LTA4H: variants seen among roughly 807,000 people sequenced by gnomAD.
LTA4H encodes the protein leukotriene A-4 hydrolase.
Under a neutral mutation model 89.8 loss-of-function variants are expected in LTA4H, and 59 were observed. That is an observed-to-expected ratio of 0.66 (90% CI 0.53 to 0.82). The LOEUF (loss-of-function observed/expected upper bound fraction) is 0.82. Among genes scored for constraint, LTA4H ranks in the 40% least tolerant of loss-of-function variants. The probability of loss-of-function intolerance (pLI) is 0.00; values close to 1 mark genes in which losing one functional copy is unlikely to be tolerated. For missense variants in LTA4H, 617 were observed against 727.0 expected, an observed-to-expected ratio of 0.85 and a Z score of 1.74; for synonymous variants, 227 against 253.1, an observed-to-expected ratio of 0.90 and a Z score of 0.98.
At chr12:96,029,783 C>T (rs1950553593) in intron 1 of LTA4H, among the ~76,000 whole-genome samples, 2 of 152,138 alleles carry the variant, frequency 1.3e-5, no homozygotes, top group Non-Finnish European at 1.5e-5. Context: ...AGAGTATTTT[C>T]TATCCCCAAA....
At chr12:96,019,314 G>T in intron 6 of LTA4H, 74 bp from the exon 7 acceptor site, 4 of 1,287,572 alleles carry the variant, frequency 3.1e-6, no homozygotes, top group Non-Finnish European at 4.4e-6. Flanking sequence ...AGTAGTTAAT[G>T]TCTTGTAGAC....
At chr12:96,003,646 A>C (rs1466450775) in intron 17 of LTA4H, 192 bp downstream of exon 17, 2 of 366,044 alleles carry the variant, frequency 5.5e-6, no homozygotes, top group Non-Finnish European at 9.7e-6. Context: ...TCTAACAAAA[A>C]GATTAATACT....
At chr12:96,014,712 G>A in intron 12 of LTA4H, 143 bp downstream of exon 12, 2 of 766,004 alleles carry the variant, frequency 2.6e-6, no homozygotes, top group East Asian at 5.5e-5. Context: ...AGGTAACTCA[G>A]AAAACAATAC....
upstream of LTA4H, among the ~76,000 whole-genome samples, chr12:96,038,781 A>G (rs559429729): frequency 6.8e-6 from 1 of 147,994 alleles, no homozygotes; most frequent in East Asian, 2.0e-4. Flanking sequence ...TTATTTATCT[A>G]GTATGGAGAA....
At chr12:96,039,621 C>T (rs184201266), upstream of LTA4H, among the ~76,000 whole-genome samples, 752 of 152,248 alleles carry the variant, frequency 4.9e-3, 4 homozygotes, top group Non-Finnish European at 8.0e-3. Context: ...TTAGGACAAC[C>T]TGGGAAGTGA....
chr12:96,039,144 G>A (rs117870863), upstream of LTA4H, among the ~76,000 whole-genome samples: 389 of 152,172 alleles, frequency 2.6e-3, 2 homozygotes, highest in Middle Eastern at 0.014. Flanking sequence ...CAGCACTTTG[G>A]GAAGCTGAGG....
upstream of LTA4H, among the ~76,000 whole-genome samples, chr12:96,036,247 A>G (rs1592903864): frequency 6.6e-6 from 1 of 152,160 alleles, no homozygotes; most frequent in African/African-American, 2.4e-5. Context: ...GAATTTCTAT[A>G]AAAGTTATGC....
In LTA4H at chr12:96,029,205, A is replaced by G. The variant is rs754803975; in HGVS notation, c.160-20T>C. 1 of 1,378,454 alleles carries G rather than the reference A, an allele frequency of 7.3e-7. No homozygotes were observed. Among genetic ancestry groups the G allele is most frequent in the Non-Finnish European group, 1.0e-6 (1 of 1,004,504 alleles). The allele number at this position is 1,378,454 out of a possible 1,614,324, so 85.4% of individuals were successfully genotyped here. A position where few individuals can be genotyped will look rare whatever the true frequency, so the allele number is the denominator to read the frequency against. On this transcript the variant is annotated intron_variant, in intron 1 of 18. Coordinates refer to ENST00000228740, the MANE Select transcript of LTA4H (RefSeq NM_000895.3). ...CAAAACCTAAAATTAATATTTTTAA[A>G]TAGTAAGAAAATAGTTTCATTTACC...
chr12:96,000,834 A>T lies in LTA4H; in HGVS notation c.*155T>A, dbSNP rs1950087520. 1.8e-6 allele frequency: 1 copy of T among 554,154 alleles called. No individual in the cohort carries two copies. Among genetic ancestry groups the T allele is most frequent in the Admixed American group, 3.1e-5 (1 of 32,396 alleles). The allele number at this position is 554,154 out of a possible 1,614,324, so 34.3% of individuals were successfully genotyped here. On this transcript the variant is annotated 3_prime_UTR_variant, in exon 19 of 19. Transcript: ENST00000228740. ...TTTACAAAGAATATGCCACTATAAG[A>T]AGAAGTAGCTCAACTTTATTTCAGT...
At chr12:96,003,643 A>G (rs1950145601) in intron 17 of LTA4H, 195 bp downstream of exon 17, 1 of 366,246 alleles carries the variant, frequency 2.7e-6, no homozygotes, top group African/African-American at 2.1e-5. Flanking sequence ...AAGTCTAACA[A>G]AAAGATTAAT....
intron 1 of LTA4H, among the ~76,000 whole-genome samples, chr12:96,030,566 C>T (rs375744201): frequency 6.6e-6 from 1 of 152,316 alleles, no homozygotes; most frequent in South Asian, 2.1e-4. Flanking sequence ...AAGGTTTGAT[C>T]CCATTTCCCA....
chr12:96,021,545 T>C (rs908948684), intron 5 of LTA4H, among the ~76,000 whole-genome samples: 1 of 152,134 alleles, frequency 6.6e-6, no homozygotes, highest in Non-Finnish European at 1.5e-5. Flanking sequence ...CAAAGCACTA[T>C]TGGCATGTTG....
chr12:96,037,992 G>T (rs775316316), upstream of LTA4H, among the ~76,000 whole-genome samples: 1 of 152,088 alleles, frequency 6.6e-6, no homozygotes, highest in African/African-American at 2.4e-5. Flanking sequence ...GCCCGGCCGA[G>T]AAAGAATTTT....
At chr12:96,029,479 T>C (rs1403964683) in intron 1 of LTA4H, among the ~76,000 whole-genome samples, 1 of 152,230 alleles carries the variant, frequency 6.6e-6, no homozygotes, top group East Asian at 1.9e-4. Context: ...TGCTTCTGAC[T>C]CCTAAAATTT....
chr12:96,017,377 GAA>G (rs1435168162), intron 9 of LTA4H, among the ~76,000 whole-genome samples, 178 bp downstream of exon 9: 1 of 152,070 alleles, frequency 6.6e-6, no homozygotes, highest in Non-Finnish European at 1.5e-5. Flanking sequence ...ATAAATATAT[GAA>G]GAGATCAAAC....
intron 6 of LTA4H, among the ~76,000 whole-genome samples, chr12:96,019,899 G>GTTTT (rs748833448): frequency 8.3e-6 from 1 of 120,920 alleles, no homozygotes; most frequent in Non-Finnish European, 1.8e-5. Flanking sequence ...CACGCCCAGC[G>GTTTT]TTTTTTTTTT....
intron 14 of LTA4H, chr12:96,009,369 T>C (rs1424832697): frequency 1.9e-6 from 1 of 523,170 alleles, no homozygotes; most frequent in Non-Finnish European, 3.4e-6. Flanking sequence ...AACACCCATC[T>C]ATCTTTTAGA....
intron 16 of LTA4H, among the ~76,000 whole-genome samples, chr12:96,004,646 A>G (rs757039196): frequency 4.6e-4 from 70 of 152,268 alleles, no homozygotes; most frequent in Non-Finnish European, 6.6e-4. Context: ...TAGGTAGATG[A>G]TAACTCTCCC....
At chr12:96,019,027 A>G (rs182597693) in intron 7 of LTA4H, 124 bp from the exon 8 acceptor site, 19 of 1,191,418 alleles carry the variant, frequency 1.6e-5, no homozygotes, top group Middle Eastern at 2.0e-4. Flanking sequence ...GAAAATGATA[A>G]AAAGAATGTA....
Sources: allele counts gnomAD v4.1 joint callset (sites outside exome capture counted in the v4.1 genomes callset), GRCh38; gene constraint gnomAD v4.1.1; transcripts MANE v1.5; gene names NCBI Gene and HGNC (gene_info 2026-07-23, HGNC 2026-07-21).